The following BPI variants were observed in gnomAD, a reference collection of about 807,000 sequenced individuals.
BPI encodes the protein bactericidal permeability increasing protein, also known as bactericidal permeability-increasing protein.
Under a neutral mutation model 57.6 loss-of-function variants are expected in BPI, and 48 were observed. The observed-to-expected ratio is 0.83, with a 90% confidence interval of 0.66 to 1.06. The LOEUF (loss-of-function observed/expected upper bound fraction) is 1.06, where lower values mean the gene tolerates loss of function less well. BPI is among the 50% of genes least tolerant of loss of function. BPI has a pLI of 0.00. For synonymous variants in BPI, 237 were observed against 238.2 expected, an observed-to-expected ratio of 0.99 and a Z score of 0.05; for missense variants, 651 against 609.7, an observed-to-expected ratio of 1.07 and a Z score of -0.71.
chr20:38,329,202 A>G (rs6014745), intron 11 of BPI, among the ~76,000 whole-genome samples: 89,834 of 151,462 alleles, frequency 0.59, 26,867 homozygotes, highest in East Asian at 0.67. Context: ...CACTCAGAGA[A>G]ACAGAGGGAG....
chr20:38,310,412 G>A (rs1014929301), intron 3 of BPI, 79 bp from the exon 4 acceptor site: 19 of 1,529,226 alleles, frequency 1.2e-5, no homozygotes, highest in East Asian at 2.3e-5. Flanking sequence ...AACAAAACCC[G>A]CCTTCCAGCA....
rs1411946059 is a variant in BPI at position 38,320,228 on chromosome 20, T to C, written c.710T>C (p.Val237Ala). The change falls in exon 7 of 15, where the codon GTG (valine) becomes GCG (alanine). Residue 237 changes from valine (V) to alanine (A), a missense_variant. Transcript: ENST00000642449. ...DSVAGINYGL[V>A]APPATTAETL... ...GTGGCTGGAATCAACTATGGTCTGG[T>C]GGCACCTCCAGCAACCACGGCTGAG... 1.2e-6 allele frequency: 2 copies of C among 1,614,146 alleles called. No individual in the cohort carries two copies. The highest frequency in any genetic ancestry group is 2.2e-5 in the South Asian group (2 of 91,074).
chr20:38,311,775 T>G (rs573170519), intron 4 of BPI, 99 bp from the exon 5 acceptor site: 1 of 1,246,014 alleles, frequency 8.0e-7, no homozygotes, highest in Non-Finnish European at 1.2e-6. Flanking sequence ...AAAACCTGTT[T>G]CTAGGAGGGA....
chr20:38,324,348 A>G (rs1202820768), intron 8 of BPI, among the ~76,000 whole-genome samples: 1 of 152,216 alleles, frequency 6.6e-6, no homozygotes, highest in East Asian at 1.9e-4. Flanking sequence ...ATATTAGTCT[A>G]TGAGAGGACC....
At chr20:38,324,456 G>A (rs1180322798) in intron 8 of BPI, among the ~76,000 whole-genome samples, 1 of 152,224 alleles carries the variant, frequency 6.6e-6, no homozygotes. Flanking sequence ...CTAGCACCAT[G>A]CTAAGGCAGA....
Position 38,331,037 on chromosome 20 carries a change from C to A in BPI, c.1230-11C>A, listed in dbSNP as rs1233356409. 2.5e-6 allele frequency: 4 copies of A among 1,613,930 alleles called. No individual in the cohort carries two copies. The stretch of plus-strand genomic sequence containing the variant: ...ATTGGTGGTCTCAGTCCCCTCCTCC[C>A]CCTCTCACAGGCTGCTCCTGGAACT... On this transcript the variant is annotated splice_polypyrimidine_tract_variant and intron_variant, in intron 11 of 14. Transcript: ENST00000642449.
At chr20:38,333,525 C>G (rs1185858556) in intron 12 of BPI, among the ~76,000 whole-genome samples, 10 of 152,204 alleles carry the variant, frequency 6.6e-5, no homozygotes, top group African/African-American at 2.4e-4. Flanking sequence ...ATTTTCATCA[C>G]TTAGTTAATA....
chr20:38,305,066 A>G (rs2076590640), intron 1 of BPI, among the ~76,000 whole-genome samples: 2 of 152,230 alleles, frequency 1.3e-5, no homozygotes, highest in Admixed American at 6.5e-5. Flanking sequence ...TCCCGATGGC[A>G]GAGAGATGAC....
chr20:38,323,780 G>T, intron 7 of BPI, 90 bp from the exon 8 acceptor site: 1 of 1,392,228 alleles, frequency 7.2e-7, no homozygotes, highest in Non-Finnish European at 9.9e-7. Flanking sequence ...GTGTACAATT[G>T]GTGTCTTCAG....
chr20:38,321,754 C>T (rs750119276), intron 7 of BPI: 4 of 151,816 alleles, frequency 2.6e-5, no homozygotes, highest in South Asian at 2.1e-4. Context: ...GAGAATTACC[C>T]GAGTCTACAA....
Position 38,318,467 on chromosome 20 carries a change from A to T in BPI, c.655A>T (p.Thr219Ser). 3 of 1,613,430 alleles carry T rather than the reference A, an allele frequency of 1.9e-6. No homozygotes were observed. The highest frequency in any genetic ancestry group is 2.5e-6 in the Non-Finnish European group (3 of 1,179,442). ...VSSELQPYFQ[T>S]LPVMTKIDSV... is the part of the protein sequence containing the mutation. ...CTCCGAGCTGCAACCTTATTTCCAG[A>T]CTCTGCCAGGTGAGGGCTGGATGAA... is the stretch of plus-strand genomic sequence containing the variant. Residue 219 changes from threonine to serine, a missense_variant, in exon 6 of 15, where the codon ACT becomes TCT. Thr to Ser is a moderately conservative substitution (Grantham distance 58). Coordinates refer to ENST00000642449, the MANE Select transcript of BPI (RefSeq NM_001725.3).
Position 38,314,791 on chromosome 20 carries a change from T to TG in BPI, c.600+2854_600+2855insG, listed in dbSNP as rs1465865640. Among the ~76,000 whole-genome samples, 35 of 124,780 alleles carry TG rather than the reference T, an allele frequency of 2.8e-4. No homozygotes were observed. The East Asian group carries it at 8.8e-3, about 31-fold the overall frequency. 81.9% of individuals were successfully genotyped at this position (124,780 alleles called of 152,430 possible). ...ATGGTGGGGATGATGATGATGGTGG[T>TG]ATGGTGAGATTGATGATGGTGATGG... On this transcript the variant is annotated intron_variant, in intron 5 of 14. Transcript: ENST00000642449.
rs1174945682 is a variant in BPI at position 38,326,384 on chromosome 20, T to C, written c.1113T>C (p.Phe371=). The change falls in exon 10 of 15, where the codon TTT becomes TTC. Residue 371 remains phenylalanine, a synonymous_variant. Coordinates refer to ENST00000642449, the MANE Select transcript of BPI (RefSeq NM_001725.3). The part of the protein sequence containing the change: ...TFYPAVDVQA[F]AVLPNSSLAS... ...ACCCTGCCGTGGATGTCCAGGCCTTTGCCGTCCTCCCCAACTCCTCCCTGG... is the reference window on the plus strand; with the variant it reads ...ACCCTGCCGTGGATGTCCAGGCCTTCGCCGTCCTCCCCAACTCCTCCCTGG... The C allele has an allele frequency of 1.2e-6, 2 of 1,614,056 alleles. No homozygotes were observed. The highest frequency in any genetic ancestry group is 3.3e-5 in the Admixed American group (2 of 59,996).
chr20:38,314,116 T>C (rs2076636378), intron 5 of BPI, among the ~76,000 whole-genome samples: 1 of 137,622 alleles, frequency 7.3e-6, no homozygotes, highest in Non-Finnish European at 1.6e-5. Context: ...ATGGTAATGG[T>C]GGGGAAGATG....
chr20:38,320,661 T>TACACACACACACACACACACACACAC (rs369329923), intron 7 of BPI, among the ~76,000 whole-genome samples: 1 of 130,818 alleles, frequency 7.6e-6, no homozygotes, highest in Non-Finnish European at 1.6e-5. Flanking sequence ...TTATTACCAA[T>TACACACACACACACACACACACACAC]ACACACACAC....
intron 5 of BPI, among the ~76,000 whole-genome samples, chr20:38,317,326 T>C (rs1290491287): frequency 2.6e-5 from 4 of 152,184 alleles, no homozygotes; most frequent in Non-Finnish European, 4.4e-5. Context: ...ATGGATTCTG[T>C]GCATCAGGAA....
intron 4 of BPI, 113 bp downstream of exon 4, chr20:38,310,765 C>A: frequency 7.2e-7 from 1 of 1,383,926 alleles, no homozygotes; most frequent in Non-Finnish European, 9.9e-7. Flanking sequence ...AGGCCTTGCT[C>A]AGAGGCCTCA....
At chr20:38,310,856 C>T (rs780295755) in intron 4 of BPI, among the ~76,000 whole-genome samples, 28 of 152,244 alleles carry the variant, frequency 1.8e-4, no homozygotes, top group African/African-American at 4.8e-5. Flanking sequence ...ATTCCATACT[C>T]ATCCAGCAGA....
At chr20:38,334,343 G>T in intron 12 of BPI, 87 bp from the exon 13 acceptor site, 3 of 1,287,770 alleles carry the variant, frequency 2.3e-6, no homozygotes, top group Non-Finnish European at 3.4e-6. Context: ...GGAAAGGAGG[G>T]TGACAGAGGT....
Sources: gnomAD v4.1 joint callset for allele counts (sites outside exome capture counted in the v4.1 genomes callset) on GRCh38, gnomAD v4.1.1 for gene constraint, MANE v1.5 for transcripts, NCBI Gene and HGNC (gene_info 2026-07-23, HGNC 2026-07-21) for gene names.